The following DOCK11 variants were observed in gnomAD, a reference collection of about 807,000 sequenced individuals.
DOCK11 encodes dedicator of cytokinesis protein 11.
DOCK11 carries 70 observed loss-of-function variants against 169.1 expected under a neutral mutation model. The observed-to-expected ratio is 0.41, with a 90% CI of 0.34 to 0.51. DOCK11 has a LOEUF of 0.51. DOCK11 is among the 20% of genes least tolerant of loss of function. The pLI is 0.10. For synonymous variants in DOCK11, 529 were observed against 541.3 expected, an observed-to-expected ratio of 0.98 and a Z score of 0.32; for missense variants, 1,166 against 1,538.8, an observed-to-expected ratio of 0.76 and a Z score of 4.05.
At chrX:118,671,426 A>G (rs1302375338) in intron 46 of DOCK11, among the ~76,000 whole-genome samples, 1 of 111,264 alleles carries the variant, frequency 9.0e-6, no homozygotes, top group Non-Finnish European at 1.9e-5. Context: ...TACATTTACT[A>G]ATTACCCTGT....
At chrX:118,541,235 ATTTC>A (rs1258584803) in intron 1 of DOCK11, among the ~76,000 whole-genome samples, 5 of 111,744 alleles carry the variant, frequency 4.5e-5, no homozygotes, top group Non-Finnish European at 9.4e-5. Context: ...ATCTTGGTAT[ATTTC>A]TTTCTTTTTC....
At chrX:118,638,473 C>T (rs1258943039) in intron 37 of DOCK11, among the ~76,000 whole-genome samples, 1 of 111,939 alleles carries the variant, frequency 8.9e-6, no homozygotes, top group Non-Finnish European at 1.9e-5. Context: ...ATACTCACCT[C>T]AGTTACTAAA....
chrX:118,574,322 A>G (rs1387572558), intron 12 of DOCK11, among the ~76,000 whole-genome samples: 3 of 111,395 alleles, frequency 2.7e-5, no homozygotes, highest in Non-Finnish European at 5.7e-5. Context: ...TCCCAGCACT[A>G]TGGGAGGCTG....
At chrX:118,643,714 G>A (rs1408241710) in intron 40 of DOCK11, 120 bp downstream of exon 40, 5 of 800,235 alleles carry the variant, frequency 6.2e-6, no homozygotes, top group Non-Finnish European at 9.0e-6. Flanking sequence ...ATTAAGTACT[G>A]CCTTTGTAAA....
At chrX:118,604,640 G>A (rs948798545) in intron 23 of DOCK11, among the ~76,000 whole-genome samples, 22 of 99,219 alleles carry the variant, frequency 2.2e-4, no homozygotes, top group Middle Eastern at 5.9e-3. Context: ...TTATTTCTCT[G>A]TATATATGAT....
At chrX:118,631,437 G>C (rs1163413640) in intron 35 of DOCK11, among the ~76,000 whole-genome samples, 2 of 111,468 alleles carry the variant, frequency 1.8e-5, no homozygotes, top group African/African-American at 6.5e-5. Flanking sequence ...TTCTAGGAAT[G>C]TACGATTTAG....
rs769059283 is a variant in DOCK11, at chrX:118,578,617, A to T, written c.1482A>T (p.Glu494Asp). The T allele has an allele frequency of 1.2e-5, 15 of 1,203,484 alleles. No homozygotes were observed. The South Asian group carries it at 2.3e-4, about 19-fold the overall frequency. ...AGGGAAACATTACACACTGTGCAGA[A>T]CCCTATATCAAAAATTCTGATCCAG... ...VLQGNITHCA[E>D]PYIKNSDPVK... The change falls in exon 13 of 53, where the codon GAA (glutamate) becomes GAT (aspartate). Residue 494 changes from glutamate to aspartate, a missense_variant. Physicochemically the swap from Glu to Asp is conservative, Grantham distance 45. Coordinates refer to ENST00000276202, the MANE Select transcript of DOCK11 (RefSeq NM_144658.4).
At chrX:118,664,831 G>A (rs1047074575) in intron 45 of DOCK11, among the ~76,000 whole-genome samples, 3 of 111,057 alleles carry the variant, frequency 2.7e-5, no homozygotes, top group East Asian at 2.8e-4. Context: ...GAGTGTGAAC[G>A]TAGAAAACAA....
chrX:118,584,339 T>C (rs938652814), intron 14 of DOCK11, among the ~76,000 whole-genome samples: 1 of 112,475 alleles, frequency 8.9e-6, no homozygotes, highest in Non-Finnish European at 1.9e-5. Flanking sequence ...TTGTACTCAG[T>C]GTTCTTGAGA....
rs1248715555 is a variant in DOCK11 at position 118,542,827 on chromosome X, A to G, written c.205A>G (p.Met69Val). The G allele has an allele frequency of 8.3e-7, 1 of 1,201,565 alleles. No individual in the cohort carries two copies. The highest frequency in any genetic ancestry group is 1.8e-5 in the African/African-American group (1 of 56,809). Residue 69 changes from methionine (M) to valine (V), a missense_variant, in exon 2 of 53, where the codon ATG (methionine) becomes GTG (valine). Coordinates refer to ENST00000276202, the MANE Select transcript of DOCK11 (RefSeq NM_144658.4). ...CCTCCGAGATCTGCTTATGTTCCCA[A>G]TGGAAGATATATCTGTGAGTTCACA... ...DPLRDLLMFP[M>V]EDISISVIGR...
chrX:118,582,867 T>C, intron 14 of DOCK11, among the ~76,000 whole-genome samples: 1 of 112,133 alleles, frequency 8.9e-6, no homozygotes, highest in East Asian at 2.8e-4. Context: ...TGGAAGACAA[T>C]GTCACGATCC....
chrX:118,630,510 A>T lies in DOCK11; in HGVS notation c.3886+20A>T, dbSNP rs1569435130. 6.7e-6 allele frequency: 7 copies of T among 1,048,843 alleles called. No homozygotes were observed. The highest frequency in any genetic ancestry group is 8.0e-6 in the Non-Finnish European group (6 of 749,824). The allele number at this position is 1,048,843 out of a possible 1,213,427, so 86.4% of individuals were successfully genotyped here. Reference sequence around the variant, plus strand: ...CAGAAGGTGAGTTACCATCATATTAAGCATGGACTGTACTAGACATACACC... The same window carrying T: ...CAGAAGGTGAGTTACCATCATATTATGCATGGACTGTACTAGACATACACC... On this transcript the variant is annotated intron_variant, in intron 35 of 52. Coordinates refer to ENST00000276202, the MANE Select transcript of DOCK11 (RefSeq NM_144658.4).
rs771841216 is a variant in DOCK11 at position 118,645,053 on chromosome X, G to C, written c.4398+1459G>C. On this transcript the variant is annotated intron_variant, in intron 40 of 52. Coordinates refer to ENST00000276202, the MANE Select transcript of DOCK11 (RefSeq NM_144658.4). ...AGACATGTTGAAAAAGGATTTACAG[G>C]ATTTGATCATCAGTCCACTGACAGT... 4.5e-5 allele frequency among the ~76,000 whole-genome samples: 5 copies of C among 112,088 alleles called. No homozygotes were observed. The Admixed American group carries it at 4.7e-4, about 11-fold the overall frequency.
Position 118,561,499 on chromosome X carries a change from C to T in DOCK11, c.675C>T (p.Ala225=). Residue 225 remains alanine, a synonymous_variant, in exon 7 of 53, where the codon GCC becomes GCT. Transcript: ENST00000276202. ...KESKGCIYLD[A]CIDVVQCPKM... ...CGAAAGGTTGCATCTACTTGGACGC[C>T]TGCATTGATGTTGTTCAGGTAAGGC... 8.3e-7 allele frequency: 1 copy of T among 1,199,938 alleles called. No homozygotes were observed. The highest frequency in any genetic ancestry group is 1.7e-5 in the African/African-American group (1 of 57,333).
chrX:118,585,350 C>G (rs999718794), intron 16 of DOCK11, among the ~76,000 whole-genome samples: 4 of 108,421 alleles, frequency 3.7e-5, no homozygotes, highest in Non-Finnish European at 7.6e-5. Flanking sequence ...TCTGAATGCT[C>G]TAGGGAAGAG....
At chrX:118,603,285 G>C (rs919742215) in intron 23 of DOCK11, among the ~76,000 whole-genome samples, 5 of 112,860 alleles carry the variant, frequency 4.4e-5, no homozygotes, top group African/African-American at 1.6e-4. Flanking sequence ...GACAGGCCGG[G>C]TATGTCGTAG....
chrX:118,586,163 G>A (rs1185703921), intron 16 of DOCK11, among the ~76,000 whole-genome samples: 2 of 111,498 alleles, frequency 1.8e-5, no homozygotes, highest in Admixed American at 9.6e-5. Flanking sequence ...GACTACCAAC[G>A]AGGTGCTTTA....
chrX:118,552,698 A>T (rs2012540809), intron 6 of DOCK11, among the ~76,000 whole-genome samples: 1 of 112,215 alleles, frequency 8.9e-6, no homozygotes, highest in Non-Finnish European at 1.9e-5. Flanking sequence ...ACTGAAGAGG[A>T]TGCATCATGC....
At chrX:118,540,383 T>C (rs995157611) in intron 1 of DOCK11, among the ~76,000 whole-genome samples, 2 of 111,566 alleles carry the variant, frequency 1.8e-5, no homozygotes, top group Middle Eastern at 4.2e-3. Context: ...CAGTTTCCTT[T>C]TGAGTCCATG....
Sources: allele counts gnomAD v4.1 joint callset (sites outside exome capture counted in the v4.1 genomes callset), GRCh38; gene constraint gnomAD v4.1.1; transcripts MANE v1.5; gene names NCBI Gene and HGNC (gene_info 2026-07-23, HGNC 2026-07-21).